Variants in SPATA31G1 observed in about 807,000 individuals in gnomAD.
The protein encoded by SPATA31G1 is SPATA31 subfamily G member 1.
chr9:35,045,387 G>A, the SPATA31G1 span: 1 of 1,614,124 alleles, frequency 6.2e-7, no homozygotes. Flanking sequence ...AGGCCCAGGA[G>A]AACCCTCAAA....
chr9:35,042,759 G>GT, the SPATA31G1 span: 1 of 1,465,328 alleles, frequency 6.8e-7, no homozygotes. Context: ...GATTAGGTGA[G>GT]TAACTGTCCA....
At chr9:35,045,316 G>C in the SPATA31G1 span, 1 of 1,613,976 alleles carries the variant, frequency 6.2e-7, no homozygotes, top group Non-Finnish European at 8.5e-7. Flanking sequence ...AAGATGGTGA[G>C]CCAGGTCCCA....
the SPATA31G1 span, chr9:35,045,115 C>T: frequency 5.6e-6 from 9 of 1,614,054 alleles, no homozygotes; most frequent in Non-Finnish European, 7.6e-6. Context: ...CCTTCCTGCC[C>T]ACCACAGCAG....
the SPATA31G1 span, chr9:35,045,399 T>G: frequency 6.2e-7 from 1 of 1,613,882 alleles, no homozygotes; most frequent in South Asian, 1.1e-5. Flanking sequence ...ACCCTCAAAC[T>G]CTAAGGTTCT....
At chr9:35,042,908 G>A in the SPATA31G1 span, 7 of 1,614,004 alleles carry the variant, frequency 4.3e-6, no homozygotes, top group African/African-American at 2.7e-5. Context: ...ACCTGTGTAA[G>A]CAGAAATCAG....
the SPATA31G1 span, chr9:35,042,985 C>T: frequency 1.2e-6 from 2 of 1,614,166 alleles, no homozygotes; most frequent in Admixed American, 3.3e-5. Flanking sequence ...CCACTGAAGC[C>T]ATGTTCTCCT....
chr9:35,042,744 C>T, the SPATA31G1 span: 34 of 1,372,942 alleles, frequency 2.5e-5, no homozygotes, highest in Admixed American at 4.1e-5. Flanking sequence ...TGGCCACACA[C>T]GTGGGATTAG....
At chr9:35,042,257 G>T in the SPATA31G1 span, 16 of 1,613,902 alleles carry the variant, frequency 9.9e-6, no homozygotes, top group East Asian at 3.6e-4. Context: ...TAAGGGAAAT[G>T]GAATGGCTGC....
the SPATA31G1 span, chr9:35,044,753 T>C: frequency 9.9e-6 from 16 of 1,614,178 alleles, no homozygotes; most frequent in Non-Finnish European, 1.3e-5. Context: ...TGTGGAGAAA[T>C]GTGCAACAAA....
the SPATA31G1 span, chr9:35,042,838 G>A: frequency 2.6e-5 from 42 of 1,602,408 alleles, no homozygotes; most frequent in African/African-American, 5.2e-4. Context: ...TCATGCCTGA[G>A]AATATCTTTA....
the SPATA31G1 span, chr9:35,043,063 G>T: frequency 6.2e-7 from 1 of 1,614,112 alleles, no homozygotes; most frequent in South Asian, 1.1e-5. Flanking sequence ...GGTTCTGAGG[G>T]CCTCCTCAAG....
the SPATA31G1 span, chr9:35,045,656 C>T: frequency 1.2e-6 from 2 of 1,614,218 alleles, no homozygotes; most frequent in Non-Finnish European, 1.7e-6. Flanking sequence ...AGCTGCTTCT[C>T]CCCAAAGCTT....
At chr9:35,043,518 G>C in the SPATA31G1 span, 1 of 1,614,090 alleles carries the variant, frequency 6.2e-7, no homozygotes, top group Non-Finnish European at 8.5e-7. Flanking sequence ...GGACCACAAG[G>C]GAGTTTTATC....
the SPATA31G1 span, chr9:35,042,960 G>A: frequency 4.3e-6 from 7 of 1,614,016 alleles, no homozygotes; most frequent in African/African-American, 2.7e-5. Flanking sequence ...GGGGGAAGAC[G>A]AGGCATCTCT....
chr9:35,042,974 T>G, the SPATA31G1 span: 1 of 1,614,052 alleles, frequency 6.2e-7, no homozygotes, highest in Non-Finnish European at 8.5e-7. Context: ...CATCTCTGGA[T>G]CCACTGAAGC....
chr9:35,045,000 C>A, the SPATA31G1 span: 2 of 1,614,202 alleles, frequency 1.2e-6, no homozygotes, highest in Non-Finnish European at 1.7e-6. Context: ...GAAACTCAGG[C>A]TGAAGAAACT....
the SPATA31G1 span, chr9:35,044,819 C>T: frequency 1.2e-6 from 2 of 1,614,146 alleles, no homozygotes; most frequent in Non-Finnish European, 1.7e-6. Context: ...ACCCAGTACC[C>T]CAGCCTCCCA....
At chr9:35,045,151 A>C in the SPATA31G1 span, 6 of 1,612,032 alleles carry the variant, frequency 3.7e-6, no homozygotes, top group Non-Finnish European at 5.1e-6. Flanking sequence ...CCATGCCCCC[A>C]CTCTTCAAGT....
chr9:35,044,211 C>T, the SPATA31G1 span: 80 of 1,614,168 alleles, frequency 5.0e-5, no homozygotes, highest in African/African-American at 8.7e-4. Flanking sequence ...TATGGAACCA[C>T]ACAGAATCAA....
Sources: allele counts gnomAD v4.1 joint callset, GRCh38; gene constraint gnomAD v4.1.1; transcripts MANE v1.5; gene names NCBI Gene and HGNC (gene_info 2026-07-23, HGNC 2026-07-21).